Variants in RABGAP1L observed in about 807,000 individuals in gnomAD.
RABGAP1L encodes RAB GTPase activating protein 1 like.
Under a neutral mutation model 137.7 loss-of-function variants are expected in RABGAP1L, and 63 were observed. That is an observed-to-expected ratio of 0.46 (90% CI 0.37 to 0.56). The LOEUF is 0.56. RABGAP1L is among the 20% of genes least tolerant of loss of function. The pLI is 0.00. For synonymous variants in RABGAP1L, 431 were observed against 433.7 expected (o/e 0.99, Z 0.08); for missense variants, 1,095 against 1,244.0 (o/e 0.88, Z 1.80).
chr1:174,446,176 C>T (rs1048183524), intron 13 of RABGAP1L, among the ~76,000 whole-genome samples: 4 of 152,172 alleles, frequency 2.6e-5, no homozygotes, highest in African/African-American at 7.2e-5. Flanking sequence ...CTTGTAGCTG[C>T]ATCACAGTAA....
chr1:174,224,053 T>C (rs752040575), intron 3 of RABGAP1L, among the ~76,000 whole-genome samples: 13 of 152,318 alleles, frequency 8.5e-5, no homozygotes, highest in Non-Finnish European at 1.3e-4. Context: ...AAATTATTTT[T>C]AGTGAATCAG....
chr1:174,643,747 G>GT (rs1177915802), intron 14 of RABGAP1L, among the ~76,000 whole-genome samples: 7 of 151,900 alleles, frequency 4.6e-5, no homozygotes, highest in Non-Finnish European at 1.0e-4. Flanking sequence ...GTTTGATTTA[G>GT]TTTTTTTCCT....
chr1:174,932,040 TAC>T (rs1663920548), intron 19 of RABGAP1L, among the ~76,000 whole-genome samples: 1 of 139,392 alleles, frequency 7.2e-6, no homozygotes, highest in African/African-American at 2.6e-5. Context: ...TTTTGAGCTA[TAC>T]TTGCTCAAAA....
intron 19 of RABGAP1L, among the ~76,000 whole-genome samples, chr1:174,822,000 C>T (rs1230145126): frequency 2.6e-5 from 4 of 152,212 alleles, no homozygotes; most frequent in South Asian, 2.1e-4. Flanking sequence ...CGGTGGCTCA[C>T]GCCTGTAATC....
chr1:174,619,381 G>A (rs1400254860), intron 13 of RABGAP1L, among the ~76,000 whole-genome samples: 1 of 152,202 alleles, frequency 6.6e-6, no homozygotes, highest in Non-Finnish European at 1.5e-5. Flanking sequence ...GTTAAGGGCA[G>A]CCAGAGAGGA....
rs1672198601 is a variant in RABGAP1L, at chr1:174,993,681, C to A, written c.*3680C>A. On this transcript the variant is annotated 3_prime_UTR_variant, in exon 26 of 26. Transcript: ENST00000681986. ...CTCCCACCAACCTTTGCATCAAACA[C>A]TTAGGTACCTGCCTGATTAGGGGGG... The A allele has an allele frequency of 6.6e-6, 1 of 152,198 alleles. No individual in the cohort carries two copies. Among genetic ancestry groups the A allele is most frequent in the African/African-American group, 2.4e-5 (1 of 41,444 alleles). The allele number at this position is 152,198 out of a possible 1,614,324, so 9.4% of individuals were successfully genotyped here. A position where few individuals can be genotyped will look rare whatever the true frequency, so the allele number is the denominator to read the frequency against.
At chr1:174,976,216 A>G (rs562557272) in intron 22 of RABGAP1L, 34 bp downstream of exon 22, 1 of 1,474,186 alleles carries the variant, frequency 6.8e-7, no homozygotes, top group African/African-American at 1.4e-5. Flanking sequence ...TTTCTTTACA[A>G]AGGTATGTTG....
At chr1:174,373,002 G>T (rs1465558767) in intron 12 of RABGAP1L, among the ~76,000 whole-genome samples, 1 of 152,146 alleles carries the variant, frequency 6.6e-6, no homozygotes, top group Non-Finnish European at 1.5e-5. Flanking sequence ...TTATCATTTT[G>T]TCCATTTCAA....
intron 13 of RABGAP1L, among the ~76,000 whole-genome samples, chr1:174,597,599 T>G (rs934783612): frequency 2.6e-5 from 4 of 152,080 alleles, no homozygotes; most frequent in African/African-American, 9.7e-5. Context: ...CTTCTCTCTT[T>G]TTTTCTTAAT....
chr1:174,163,612 A>T (rs747514338), intron 1 of RABGAP1L, among the ~76,000 whole-genome samples: 22 of 70,668 alleles, frequency 3.1e-4, no homozygotes, highest in Non-Finnish European at 4.4e-4. Flanking sequence ...TGTTGGGCTT[A>T]AAAAAAAAAA....
At chr1:174,660,321 C>T (rs1676280021) in intron 14 of RABGAP1L, among the ~76,000 whole-genome samples, 1 of 152,126 alleles carries the variant, frequency 6.6e-6, no homozygotes, top group African/African-American at 2.4e-5. Context: ...ACTGTGAGGG[C>T]TCCTGTTCTT....
intron 17 of RABGAP1L, among the ~76,000 whole-genome samples, chr1:174,723,568 A>G (rs1681752554): frequency 6.6e-6 from 1 of 152,144 alleles, no homozygotes. Flanking sequence ...TAAATGAGTG[A>G]AGTCTTCTGT....
chr1:174,781,536 G>A lies in RABGAP1L; in HGVS notation c.2211+29182G>A, dbSNP rs546231641. Among the ~76,000 whole-genome samples, 60 of 152,128 alleles carry A rather than the reference G, an allele frequency of 3.9e-4. No individual in the cohort carries two copies. The South Asian group carries it at 0.01, about 26-fold the overall frequency. ...TAGGTTGCCTGTTCACTCTGATGGT[G>A]GTTTCTTTTGCTGTGCAGAAGCTCT... On this transcript the variant is annotated intron_variant, in intron 18 of 25. Coordinates refer to ENST00000681986, the MANE Select transcript of RABGAP1L (RefSeq NM_001366446.1).
intron 22 of RABGAP1L, among the ~76,000 whole-genome samples, chr1:174,978,586 CAT>C (rs1670840063): frequency 6.6e-6 from 1 of 152,128 alleles, no homozygotes; most frequent in Non-Finnish European, 1.5e-5. Context: ...TGGTGTTGTT[CAT>C]ATGTCTCATA....
intron 13 of RABGAP1L, among the ~76,000 whole-genome samples, chr1:174,531,913 A>G (rs1664444257): frequency 6.6e-6 from 1 of 152,164 alleles, no homozygotes; most frequent in African/African-American, 2.4e-5. Context: ...AATATCTGAG[A>G]AAAAATTATT....
At chr1:174,765,731 A>G (rs1685615031) in intron 18 of RABGAP1L, among the ~76,000 whole-genome samples, 1 of 152,090 alleles carries the variant, frequency 6.6e-6, no homozygotes, top group African/African-American at 2.4e-5. Context: ...GTCCTTTGAA[A>G]CACAAACATT....
intron 13 of RABGAP1L, among the ~76,000 whole-genome samples, chr1:174,415,727 T>A (rs1301503944): frequency 6.6e-6 from 1 of 152,012 alleles, no homozygotes; most frequent in African/African-American, 2.4e-5. Flanking sequence ...AGTTGGCATT[T>A]AGATATTCTA....
chr1:174,553,630 T>C (rs1267683936), intron 13 of RABGAP1L, among the ~76,000 whole-genome samples: 1 of 152,184 alleles, frequency 6.6e-6, no homozygotes, highest in South Asian at 2.1e-4. Flanking sequence ...AAAATAAAAC[T>C]ATAGACCATT....
intron 13 of RABGAP1L, among the ~76,000 whole-genome samples, chr1:174,635,563 A>G (rs1340572814): frequency 3.9e-5 from 6 of 152,284 alleles, no homozygotes; most frequent in South Asian, 2.1e-4. Context: ...AGTTTTCTTT[A>G]TCATTAGAAA....
Sources: gnomAD v4.1 joint callset for allele counts (sites outside exome capture counted in the v4.1 genomes callset) on GRCh38, gnomAD v4.1.1 for gene constraint, MANE v1.5 for transcripts, NCBI Gene and HGNC (gene_info 2026-07-23, HGNC 2026-07-21) for gene names.